MROH2A: variants seen among roughly 807,000 people sequenced by gnomAD.
MROH2A encodes the protein maestro heat-like repeat-containing protein family member 2A.
MROH2A carries 174 observed loss-of-function variants against 200.4 expected under a neutral mutation model. That is an observed-to-expected ratio of 0.87 (90% CI 0.77 to 0.98). MROH2A has a LOEUF of 0.98. Ranked by LOEUF, MROH2A falls within the 50% of genes least tolerant of loss-of-function variation. The pLI, the probability that MROH2A is intolerant of heterozygous loss-of-function variation, is 0.00. For missense variants in MROH2A, 2,045 were observed against 2,139.6 expected, an observed-to-expected ratio of 0.96 and a Z score of 0.87; for synonymous variants, 829 against 840.4, an observed-to-expected ratio of 0.99 and a Z score of 0.23.
At chr2:233,798,967 G>A in intron 12 of MROH2A, 117 bp downstream of exon 12, 2 of 782,984 alleles carry the variant, frequency 2.6e-6, no homozygotes, top group Non-Finnish European at 4.3e-6. Context: ...CTTTCCATCG[G>A]GTCTCGACTG....
At chr2:233,784,657 C>T (rs775734527) in intron 3 of MROH2A, among the ~76,000 whole-genome samples, 5 of 152,132 alleles carry the variant, frequency 3.3e-5, no homozygotes, top group Admixed American at 2.0e-4. Flanking sequence ...TCCTCTGTCT[C>T]GCCTTCTCCC....
intron 3 of MROH2A, among the ~76,000 whole-genome samples, chr2:233,783,407 T>C (rs28899479): frequency 0.031 from 4,716 of 152,268 alleles, 235 homozygotes; most frequent in African/African-American, 0.11. Flanking sequence ...TCGATACTGG[T>C]TCATCGGAGT....
intron 38 of MROH2A, among the ~76,000 whole-genome samples, chr2:233,830,633 G>A (rs889020655): frequency 6.7e-6 from 1 of 149,866 alleles, no homozygotes; most frequent in East Asian, 2.0e-4. Context: ...GGTGGCCCAG[G>A]TGGGATGGCC....
chr2:233,819,902 G>A lies in MROH2A; in HGVS notation c.3358G>A (p.Val1120Met). Residue 1120 changes from valine to methionine, a missense_variant and splice_region_variant, in exon 31 of 42, where the codon GTG becomes ATG. Val to Met is a conservative substitution (Grantham distance 21, BLOSUM62 1). Coordinates refer to ENST00000389758, the MANE Select transcript of MROH2A (RefSeq NM_001394639.1). ...QMRAKELEDK[V>M]AEILSAILVH... ...CCGGTGATGCCCCATCCCTACCTAG[G>A]TGGCCGAGATCCTGAGTGCCATCCT... The A allele has an allele frequency of 6.6e-7, 1 of 1,507,902 alleles. No individual in the cohort carries two copies. The highest frequency in any genetic ancestry group is 1.4e-5 in the African/African-American group (1 of 72,210). 93.4% of individuals were successfully genotyped at this position (1,507,902 alleles called of 1,614,324 possible).
In MROH2A at chr2:233,828,228, C is replaced by T. The variant is rs564767474; in HGVS notation, c.4114-402C>T. Among the ~76,000 whole-genome samples the T allele has an allele frequency of 2.3e-4, 35 of 152,184 alleles. No homozygotes were observed. The highest frequency in any genetic ancestry group is 4.9e-4 in the Non-Finnish European group (33 of 68,036). ...ATGTACACACATGCATGCACCCACA[C>T]GCATACCAGTGAGGTTTTGGCACTC... On this transcript the variant is annotated intron_variant, in intron 35 of 41. Transcript: ENST00000389758. This position sits in a 1 kb window ranked among gnomAD's most constrained non-coding sequence, Gnocchi z 4.6.
In MROH2A at chr2:233,828,592, C is replaced by T; in HGVS notation, c.4114-38C>T. 6.5e-7 allele frequency: 1 copy of T among 1,541,254 alleles called. No individual in the cohort carries two copies. Among genetic ancestry groups the T allele is most frequent in the Non-Finnish European group, 8.8e-7 (1 of 1,140,102 alleles). On this transcript the variant is annotated intron_variant, in intron 35 of 41. Transcript: ENST00000389758. This position sits in a 1 kb window ranked among gnomAD's most constrained non-coding sequence, Gnocchi z 4.6. ...CCCACCTTGCTGCTGAGAAATGAGC[C>T]CGCCCTGGGGATAACTGCCCAATGT...
upstream of MROH2A, among the ~76,000 whole-genome samples, chr2:233,777,698 T>A (rs1500477): frequency 0.073 from 11,184 of 152,208 alleles, 1,114 homozygotes; most frequent in African/African-American, 0.22. Flanking sequence ...GAAATTCCAC[T>A]TAAGCAACCT....
At chr2:233,809,758 T>C (rs1414449380) in intron 22 of MROH2A, among the ~76,000 whole-genome samples, 1 of 143,244 alleles carries the variant, frequency 7.0e-6, no homozygotes, top group Admixed American at 7.2e-5. Context: ...AACATAAAGT[T>C]TATCATCATA....
chr2:233,810,380 C>G (rs942458301), intron 22 of MROH2A, among the ~76,000 whole-genome samples: 3 of 152,164 alleles, frequency 2.0e-5, no homozygotes, highest in African/African-American at 7.2e-5. Flanking sequence ...AGTGGAAACC[C>G]CTGATAAACC....
At chr2:233,806,880 T>G (rs1338460629) in intron 19 of MROH2A, among the ~76,000 whole-genome samples, 1 of 152,182 alleles carries the variant, frequency 6.6e-6, no homozygotes, top group East Asian at 1.9e-4. Context: ...AAGATTTTGG[T>G]GCACCCATCG....
At chr2:233,832,780 C>A in intron 41 of MROH2A, 136 bp downstream of exon 41, 1 of 665,444 alleles carries the variant, frequency 1.5e-6, no homozygotes, top group South Asian at 1.9e-5. Flanking sequence ...GCAACCAGGG[C>A]AGAGAGATGC....
rs1575999111 is a variant in MROH2A, at chr2:233,819,933, A to C, written c.3389A>C (p.His1130Pro). 1.3e-6 allele frequency: 2 copies of C among 1,530,298 alleles called. No individual in the cohort carries two copies. The highest frequency in any genetic ancestry group is 1.8e-6 in the Non-Finnish European group (2 of 1,133,254). 94.8% of individuals were successfully genotyped at this position (1,530,298 alleles called of 1,614,324 possible). ...GAGATCCTGAGTGCCATCCTGGTGC[A>C]CCTGCCGGTGGTGGACCACCCAGAG... ...VAEILSAILV[H>P]LPVVDHPEVR... The change falls in exon 31 of 42, where the codon CAC becomes CCC. Residue 1130 changes from histidine to proline, a missense_variant. This residue lies in a region of MROH2A where 1,201 missense variants were observed against 1,311.3 expected (regional missense o/e 0.92). Transcript: ENST00000389758.
At chr2:233,829,132 C>G in intron 37 of MROH2A, 60 bp downstream of exon 37, 1 of 1,423,586 alleles carries the variant, frequency 7.0e-7, no homozygotes, top group Non-Finnish European at 9.3e-7. Flanking sequence ...TTCTCAGACC[C>G]TAAGGAAGAG....
chr2:233,816,751 C>G, intron 26 of MROH2A, 30 bp from the exon 27 acceptor site: 1 of 1,482,760 alleles, frequency 6.7e-7, no homozygotes. Context: ...ATTTTAACAC[C>G]CACTTTGGTG....
intron 14 of MROH2A, among the ~76,000 whole-genome samples, chr2:233,800,835 A>G (rs1702426405): frequency 7.1e-6 from 1 of 141,260 alleles, no homozygotes; most frequent in Admixed American, 7.1e-5. Flanking sequence ...TTGCAACAAA[A>G]TGTGACGTAG....
At chr2:233,823,746 C>G in intron 35 of MROH2A, 82 bp downstream of exon 35, 1 of 1,509,372 alleles carries the variant, frequency 6.6e-7, no homozygotes, top group Non-Finnish European at 8.9e-7. Flanking sequence ...GGCTTGTCTC[C>G]AAGGCATGGG....
chr2:233,822,332 G>A, intron 32 of MROH2A, 31 bp from the exon 33 acceptor site: 1 of 1,548,552 alleles, frequency 6.5e-7, no homozygotes, highest in Non-Finnish European at 8.7e-7. Context: ...CTCTGGGTAG[G>A]AGCCCGATGC....
In MROH2A at chr2:233,828,858, G is replaced by T; in HGVS notation, c.4264-32G>T. The T allele has an allele frequency of 3.9e-6, 6 of 1,550,146 alleles. No individual in the cohort carries two copies. The highest frequency in any genetic ancestry group is 5.2e-6 in the Non-Finnish European group (6 of 1,146,800). ...TGCCCTGGTCAGCCTGGGAGGGAGG[G>T]TGCAGGCTGAGGGCTGCCCATGCCC... is the stretch of plus-strand genomic sequence containing the variant. On this transcript the variant is annotated intron_variant, in intron 36 of 41. Coordinates refer to ENST00000389758, the MANE Select transcript of MROH2A (RefSeq NM_001394639.1). The surrounding 1 kb of genome is among the most constrained non-coding windows in gnomAD (Gnocchi z 4.6).
Position 233,829,008 on chromosome 2 carries a change from G to A in MROH2A, c.4382G>A (p.Arg1461Gln), listed in dbSNP as rs1253000701. Residue 1461 changes from arginine to glutamine, a missense_variant, in exon 37 of 42, where the codon CGG becomes CAG. Physicochemically the swap from Arg to Gln is conservative, Grantham distance 43. Around this residue, in one of 3 missense-constraint regions of MROH2A, gnomAD observed 1,201 missense variants for 1,311.3 expected, o/e 0.92. Coordinates refer to ENST00000389758, the MANE Select transcript of MROH2A (RefSeq NM_001394639.1). Reference sequence around the variant, plus strand: ...CTGACCAAGATCCTGGCTGAGCTCCGGGAAGGGGATGTGGGGTCCTCTTTC... The same window carrying A: ...CTGACCAAGATCCTGGCTGAGCTCCAGGAAGGGGATGTGGGGTCCTCTTTC... ...EALTKILAELREGDVGSSFDA... is the reference protein window; with the variant it reads ...EALTKILAELQEGDVGSSFDA... 1.1e-5 allele frequency: 17 copies of A among 1,550,252 alleles called. No individual in the cohort carries two copies. The highest frequency in any genetic ancestry group is 6.8e-5 in the African/African-American group (5 of 73,056).
Sources: allele counts gnomAD v4.1 joint callset (sites outside exome capture counted in the v4.1 genomes callset), GRCh38; gene constraint gnomAD v4.1.1; regional missense constraint gnomAD v4.1.1; non-coding constraint Gnocchi (gnomAD v3.1); transcripts MANE v1.5; gene names NCBI Gene and HGNC (gene_info 2026-07-23, HGNC 2026-07-21).